Variants in STK24 observed in about 807,000 individuals in gnomAD.
STK24 encodes serine/threonine-protein kinase 24.
Under a neutral mutation model 55.6 loss-of-function variants are expected in STK24, and 21 were observed. The ratio of observed to expected loss-of-function variants is 0.38; its 90% CI spans 0.27 to 0.54. The LOEUF (loss-of-function observed/expected upper bound fraction) is 0.54. Ranked by LOEUF, STK24 falls within the 20% of genes least tolerant of loss-of-function variation. The pLI, the probability that STK24 is intolerant of heterozygous loss-of-function variation, is 0.79. For synonymous variants in STK24, 200 were observed against 215.2 expected, an observed-to-expected ratio of 0.93 and a Z score of 0.62; for missense variants, 383 against 538.4, an observed-to-expected ratio of 0.71 and a Z score of 2.86.
At chr13:98,464,976 A>G (rs868365801) in intron 6 of STK24, among the ~76,000 whole-genome samples, 2 of 152,170 alleles carry the variant, frequency 1.3e-5, no homozygotes, top group South Asian at 2.1e-4. Context: ...GCTATTTCCC[A>G]GGTCCCTCCC....
intron 2 of STK24, among the ~76,000 whole-genome samples, chr13:98,515,186 G>A (rs902324194): frequency 9.3e-5 from 14 of 151,188 alleles, no homozygotes; most frequent in South Asian, 6.3e-4. Context: ...TCAGCATCCC[G>A]TACTACACCA....
Position 98,572,545 on chromosome 13 carries a change from A to C in STK24, c.42+4200T>G, listed in dbSNP as rs552728259. ...TTCATTTCCCAGACTCCCAGAGTGC[A>C]CAGGCTTCCCTAGGGTGGAGCAGAG... On this transcript the variant is annotated intron_variant, in intron 1 of 10. Coordinates refer to ENST00000539966, the MANE Select transcript of STK24 (RefSeq NM_001032296.4). 2.6e-5 allele frequency among the ~76,000 whole-genome samples: 4 copies of C among 152,306 alleles called. No homozygotes were observed. The East Asian group carries it at 7.7e-4, about 29-fold the overall frequency.
chr13:98,494,117 T>G (rs1485608565), intron 2 of STK24, among the ~76,000 whole-genome samples: 1 of 141,954 alleles, frequency 7.0e-6, no homozygotes, highest in Non-Finnish European at 1.5e-5. Flanking sequence ...GTAAAATTTT[T>G]AAGAAGTGCC....
At chr13:98,474,051 C>T (rs1357275637) in intron 5 of STK24, among the ~76,000 whole-genome samples, 1 of 152,202 alleles carries the variant, frequency 6.6e-6, no homozygotes, top group Admixed American at 6.5e-5. Flanking sequence ...GGCCTTTTAA[C>T]TGTGTACAGG....
At chr13:98,522,141 C>T (rs775170373) in intron 1 of STK24, 65 of 1,211,868 alleles carry the variant, frequency 5.4e-5, no homozygotes, top group Middle Eastern at 3.3e-4. Context: ...TTGTCAACCA[C>T]GCCCTCCCCC....
chr13:98,570,141 C>T lies in STK24; in HGVS notation c.42+6604G>A, dbSNP rs958775496. Among the ~76,000 whole-genome samples, 36 of 152,028 alleles carry T rather than the reference C, an allele frequency of 2.4e-4. 1 individual carries two copies. The highest frequency in any genetic ancestry group is 2.2e-3 in the Admixed American group (34 of 15,268). ...TGATCCACCTGCCTCAGCCTCCCAA[C>T]GTGCTGGGATTACAGGCGTGAGCCA... On this transcript the variant is annotated intron_variant, in intron 1 of 10. Transcript: ENST00000539966.
At chr13:98,564,022 T>C (rs1897502520) in intron 1 of STK24, among the ~76,000 whole-genome samples, 1 of 151,972 alleles carries the variant, frequency 6.6e-6, no homozygotes, top group African/African-American at 2.4e-5. Context: ...TACACCCTAA[T>C]AACAGACGAC....
At chr13:98,475,155 C>G (rs758838552) in intron 4 of STK24, 95 bp downstream of exon 4, 220 of 1,399,584 alleles carry the variant, frequency 1.6e-4, no homozygotes, top group Non-Finnish European at 2.0e-4. Context: ...ACGTGCAGGA[C>G]AAATGGGCGC....
intron 2 of STK24, among the ~76,000 whole-genome samples, chr13:98,508,202 C>T (rs779547687): frequency 2.0e-5 from 3 of 152,066 alleles, no homozygotes; most frequent in Non-Finnish European, 4.4e-5. Context: ...CTATGAGAAG[C>T]TGATGTATTT....
chr13:98,558,416 A>G (rs1594669034), intron 1 of STK24, among the ~76,000 whole-genome samples: 2 of 152,334 alleles, frequency 1.3e-5, no homozygotes, highest in African/African-American at 4.8e-5. Flanking sequence ...GGAATGCAGT[A>G]AACACCAGAG....
intron 1 of STK24, among the ~76,000 whole-genome samples, chr13:98,525,379 A>G (rs61969458): frequency 0.26 from 39,101 of 152,204 alleles, 5,997 homozygotes; most frequent in East Asian, 0.42. Context: ...CAGGAGAATC[A>G]GGACGCCCAA....
Position 98,519,482 on chromosome 13 carries a change from AGAAG to A in STK24, c.43-13_43-10del, listed in dbSNP as rs769089506. On this transcript the variant is annotated splice_polypyrimidine_tract_variant and intron_variant, in intron 1 of 10. Transcript: ENST00000539966. ...GGGTCTGCCTTTAGGTTCTGTAGAG[AGAAG>A]GAAGAGAAAAGGGAAACTTTAGTCC... 61 of 1,610,342 alleles carry A rather than the reference AGAAG, an allele frequency of 3.8e-5. No individual in the cohort carries two copies. Among genetic ancestry groups the A allele is most frequent in the Non-Finnish European group, 4.8e-5 (57 of 1,177,590 alleles).
chr13:98,558,391 G>A (rs1289361472), intron 1 of STK24, among the ~76,000 whole-genome samples: 1 of 152,154 alleles, frequency 6.6e-6, no homozygotes, highest in Non-Finnish European at 1.5e-5. Flanking sequence ...CCCACTAGAG[G>A]GGGTGCAGCA....
chr13:98,473,790 T>C (rs2139284269), intron 5 of STK24, among the ~76,000 whole-genome samples: 1 of 152,366 alleles, frequency 6.6e-6, no homozygotes, highest in South Asian at 2.1e-4. Flanking sequence ...TGGAACCAGG[T>C]ACGCCTGCAA....
intron 1 of STK24, chr13:98,543,112 C>G (rs1485552946): frequency 1.6e-6 from 1 of 643,914 alleles, no homozygotes; most frequent in Non-Finnish European, 1.9e-6. Flanking sequence ...TGGGAGGAGA[C>G]CAGTCATGCC....
chr13:98,488,947 C>G (rs997685862), intron 2 of STK24, among the ~76,000 whole-genome samples: 4 of 152,218 alleles, frequency 2.6e-5, no homozygotes, highest in African/African-American at 9.7e-5. Context: ...AACCAAAGGC[C>G]AAGACCAAGA....
At chr13:98,547,425 A>G (rs1473372111) in intron 1 of STK24, among the ~76,000 whole-genome samples, 1 of 152,104 alleles carries the variant, frequency 6.6e-6, no homozygotes, top group Non-Finnish European at 1.5e-5. Context: ...GCACACGCCT[A>G]TAGTCCCAGC....
intron 5 of STK24, among the ~76,000 whole-genome samples, chr13:98,470,213 G>A (rs1250879599): frequency 6.6e-6 from 1 of 152,136 alleles, no homozygotes; most frequent in Non-Finnish European, 1.5e-5. Flanking sequence ...CCAGGTTCAA[G>A]CCATCCTCCC....
At chr13:98,537,562 C>G (rs1401277290) in intron 1 of STK24, among the ~76,000 whole-genome samples, 1 of 152,200 alleles carries the variant, frequency 6.6e-6, no homozygotes, top group East Asian at 1.9e-4. Context: ...GGCCTCACTA[C>G]CCACAGCAGG....
Sources: allele counts gnomAD v4.1 joint callset (sites outside exome capture counted in the v4.1 genomes callset), GRCh38; gene constraint gnomAD v4.1.1; transcripts MANE v1.5; gene names NCBI Gene and HGNC (gene_info 2026-07-23, HGNC 2026-07-21).